ROBO2: variants seen among roughly 807,000 people sequenced by gnomAD.
ROBO2 encodes the protein roundabout guidance receptor 2, also known as roundabout homolog 2.
ROBO2 carries 53 observed loss-of-function variants against 160.8 expected under a neutral mutation model. The observed-to-expected ratio is 0.33, with a 90% CI of 0.26 to 0.41. The LOEUF (loss-of-function observed/expected upper bound fraction) is 0.41. Among genes scored for constraint, ROBO2 ranks in the 10% least tolerant of loss-of-function variants. ROBO2 has a pLI of 1.00. For synonymous variants in ROBO2, 664 were observed against 611.7 expected, an observed-to-expected ratio of 1.09 and a Z score of -1.26; for missense variants, 1,577 against 1,722.4, an observed-to-expected ratio of 0.92 and a Z score of 1.49.
intron 2 of ROBO2, among the ~76,000 whole-genome samples, chr3:77,142,707 G>A (rs1212659249): frequency 6.6e-6 from 1 of 152,112 alleles, no homozygotes; most frequent in Non-Finnish European, 1.5e-5. Context: ...GGTGCACAGG[G>A]CCTATTACTT....
intron 2 of ROBO2, among the ~76,000 whole-genome samples, chr3:76,407,088 G>A (rs3849483): frequency 0.71 from 106,409 of 150,636 alleles, 38,106 homozygotes; most frequent in African/African-American, 0.84. Context: ...AGACACACCA[G>A]TTACATTGTT....
chr3:77,486,736 C>A (rs2085407638), intron 4 of ROBO2, among the ~76,000 whole-genome samples: 1 of 152,072 alleles, frequency 6.6e-6, no homozygotes, highest in East Asian at 1.9e-4. Context: ...CTGATAGTTT[C>A]TTTTGCTGTA....
chr3:77,270,463 C>T (rs1403073081), intron 2 of ROBO2, among the ~76,000 whole-genome samples: 1 of 152,128 alleles, frequency 6.6e-6, no homozygotes, highest in Admixed American at 6.6e-5. Flanking sequence ...CAGTATTGAA[C>T]TCAGTGGTTC....
chr3:76,700,464 G>A (rs962782165), intron 2 of ROBO2, among the ~76,000 whole-genome samples: 1 of 151,982 alleles, frequency 6.6e-6, no homozygotes, highest in Non-Finnish European at 1.5e-5. Context: ...TATATTTGTT[G>A]GGAAATAAAA....
chr3:76,383,718 A>G (rs552444273), intron 2 of ROBO2, among the ~76,000 whole-genome samples: 1 of 152,126 alleles, frequency 6.6e-6, no homozygotes, highest in African/African-American at 2.4e-5. Flanking sequence ...GTCAGTCATA[A>G]TGAAAAAAAA....
chr3:76,014,930 A>G (rs2066362517), intron 2 of ROBO2, among the ~76,000 whole-genome samples: 1 of 152,208 alleles, frequency 6.6e-6, no homozygotes, highest in Admixed American at 6.5e-5. Context: ...CCTGTCTCTA[A>G]AAATAAATAA....
At chr3:76,849,066 AC>A (rs1383838365) in intron 2 of ROBO2, among the ~76,000 whole-genome samples, 1 of 152,158 alleles carries the variant, frequency 6.6e-6, no homozygotes, top group African/African-American at 2.4e-5. Flanking sequence ...CTGTTTCCTA[AC>A]TGGCTCTGCA....
chr3:76,194,915 G>T (rs766017902), intron 2 of ROBO2, among the ~76,000 whole-genome samples: 11 of 152,152 alleles, frequency 7.2e-5, no homozygotes, highest in Non-Finnish European at 1.2e-4. Context: ...ATTGCGCCAG[G>T]CCTATAGTAT....
At chr3:77,638,818 CTTTTTTTTTT>C (rs34034420) in intron 24 of ROBO2, among the ~76,000 whole-genome samples, 6 of 51,270 alleles carry the variant, frequency 1.2e-4, no homozygotes, top group East Asian at 6.4e-4. Context: ...TTTCACCTAG[CTTTTTTTTTT>C]TTTTTTTTTT....
intron 2 of ROBO2, among the ~76,000 whole-genome samples, chr3:77,033,159 A>T (rs927927073): frequency 1.3e-5 from 2 of 152,190 alleles, no homozygotes; most frequent in African/African-American, 4.8e-5. Flanking sequence ...CCAAAATGAG[A>T]ATGCAGATAG....
At chr3:76,017,056 A>G (rs1425351737) in intron 2 of ROBO2, among the ~76,000 whole-genome samples, 6 of 152,160 alleles carry the variant, frequency 3.9e-5, no homozygotes, top group Non-Finnish European at 7.4e-5. Context: ...GTATTGTAAA[A>G]TGGGTATGAG....
intron 2 of ROBO2, among the ~76,000 whole-genome samples, chr3:77,277,878 G>T (rs1374329630): frequency 1.3e-5 from 2 of 152,160 alleles, no homozygotes; most frequent in African/African-American, 4.8e-5. Flanking sequence ...CTGAGGAATT[G>T]CCACACCATC....
chr3:76,701,120 GC>G (rs1185729966), intron 2 of ROBO2, among the ~76,000 whole-genome samples: 2 of 151,968 alleles, frequency 1.3e-5, no homozygotes, highest in Non-Finnish European at 2.9e-5. Context: ...AATAAAAAAT[GC>G]CCGCTTTTTG....
At chr3:76,273,169 A>G (rs1416740646) in intron 2 of ROBO2, among the ~76,000 whole-genome samples, 1 of 134,918 alleles carries the variant, frequency 7.4e-6, no homozygotes, top group Non-Finnish European at 1.5e-5. Flanking sequence ...TTGGAAACTC[A>G]TCTTTTTTAT....
At chr3:76,152,475 T>G (rs1015194820) in intron 2 of ROBO2, among the ~76,000 whole-genome samples, 4 of 152,172 alleles carry the variant, frequency 2.6e-5, no homozygotes, top group Non-Finnish European at 4.4e-5. Flanking sequence ...ATGGAGATTT[T>G]GTGAGTATAC....
chr3:77,058,555 A>G (rs1018930311), intron 1 of ROBO2, among the ~76,000 whole-genome samples: 2 of 152,132 alleles, frequency 1.3e-5, no homozygotes, highest in African/African-American at 4.8e-5. Context: ...TTTTTGAGAT[A>G]GGGTCTCACG....
chr3:76,159,247 G>A (rs191947443), intron 2 of ROBO2, among the ~76,000 whole-genome samples: 160 of 152,210 alleles, frequency 1.1e-3, no homozygotes, highest in African/African-American at 3.6e-3. Context: ...TTTTATAGGC[G>A]CCAAGCAGAA....
At chr3:75,958,027 A>G (rs947903733) in intron 2 of ROBO2, among the ~76,000 whole-genome samples, 1 of 151,778 alleles carries the variant, frequency 6.6e-6, no homozygotes. Flanking sequence ...ATACAAAAAA[A>G]CAGAAAAACA....
chr3:76,867,334 G>A (rs911135000), intron 2 of ROBO2, among the ~76,000 whole-genome samples: 1 of 152,124 alleles, frequency 6.6e-6, no homozygotes, highest in African/African-American at 2.4e-5. Flanking sequence ...TCAGTCTAGT[G>A]CTATTGAGGA....
Sources: gnomAD v4.1 joint callset for allele counts (sites outside exome capture counted in the v4.1 genomes callset) on GRCh38, gnomAD v4.1.1 for gene constraint, MANE v1.5 for transcripts, NCBI Gene and HGNC (gene_info 2026-07-23, HGNC 2026-07-21) for gene names.